Variants in EPB41 observed in about 807,000 individuals in gnomAD.
The protein encoded by EPB41 is protein 4.1.
Under a neutral mutation model 108.0 loss-of-function variants are expected in EPB41, and 65 were observed. The ratio of observed to expected loss-of-function variants is 0.60; its 90% CI spans 0.49 to 0.74. The LOEUF (loss-of-function observed/expected upper bound fraction) is 0.74. Ranked by LOEUF, EPB41 falls within the 30% of genes least tolerant of loss-of-function variation. EPB41 has a pLI of 0.00. For synonymous variants in EPB41, 336 were observed against 358.9 expected (o/e 0.94, Z 0.72); for missense variants, 875 against 1,037.0 (o/e 0.84, Z 2.15).
At chr1:29,069,502 T>C (rs1292838018) in intron 16 of EPB41, 1 of 1,148,582 alleles carries the variant, frequency 8.7e-7, no homozygotes, top group Non-Finnish European at 1.1e-6. Flanking sequence ...ATACTTTTTG[T>C]TTTTCTTTTG....
At chr1:28,910,999 C>T (rs748477417), upstream of EPB41, 33 of 985,202 alleles carry the variant, frequency 3.3e-5, no homozygotes, top group Middle Eastern at 1.0e-3. Flanking sequence ...GCCTCAGAGA[C>T]GGTGCTTGGG....
At chr1:28,982,115 A>G (rs113591083) in intron 1 of EPB41, among the ~76,000 whole-genome samples, 75 of 151,930 alleles carry the variant, frequency 4.9e-4, no homozygotes, top group African/African-American at 1.5e-3. Flanking sequence ...TCGTTGTTCA[A>G]TTCCCACCTA....
chr1:28,992,153 C>T (rs1044622406), intron 2 of EPB41, among the ~76,000 whole-genome samples: 2 of 152,126 alleles, frequency 1.3e-5, no homozygotes, highest in Non-Finnish European at 2.9e-5. Flanking sequence ...GAAGAGACTT[C>T]CTGAGGTTGC....
At chr1:29,068,686 G>A (rs752013360) in intron 16 of EPB41, 37 of 1,153,470 alleles carry the variant, frequency 3.2e-5, no homozygotes, top group South Asian at 4.4e-5. Flanking sequence ...CGGTATTGTT[G>A]TTGCATTGCA....
chr1:29,010,002 T>G (rs2096472173), intron 4 of EPB41, among the ~76,000 whole-genome samples: 1 of 152,142 alleles, frequency 6.6e-6, no homozygotes, highest in South Asian at 2.1e-4. Flanking sequence ...TCTGCCCTTG[T>G]TGGTAGAGGG....
intron 11 of EPB41, among the ~76,000 whole-genome samples, chr1:29,045,836 C>T (rs866959530): frequency 1.2e-3 from 173 of 145,354 alleles, no homozygotes; most frequent in Middle Eastern, 0.011. Flanking sequence ...ATTAGCTGAG[C>T]ATGGTAGTGC....
At chr1:28,924,964 C>CTT (rs879448208) in intron 1 of EPB41, among the ~76,000 whole-genome samples, 8 of 128,330 alleles carry the variant, frequency 6.2e-5, no homozygotes, top group South Asian at 2.5e-4. Flanking sequence ...GCCTGGCTAA[C>CTT]TTTTTTTTTT....
chr1:28,902,016 C>T (rs1255150794), intron 1 of EPB41, among the ~76,000 whole-genome samples: 2 of 152,136 alleles, frequency 1.3e-5, no homozygotes, highest in Non-Finnish European at 2.9e-5. Flanking sequence ...TATTATTCAG[C>T]GTTATATCCC....
At chr1:28,946,051 A>C (rs1280270936) in intron 1 of EPB41, among the ~76,000 whole-genome samples, 1 of 152,216 alleles carries the variant, frequency 6.6e-6, no homozygotes, top group Non-Finnish European at 1.5e-5. Flanking sequence ...CTGTGAATGA[A>C]TGAATATAAG....
intron 16 of EPB41, among the ~76,000 whole-genome samples, chr1:29,073,592 A>G (rs1031380763): frequency 6.6e-6 from 1 of 152,214 alleles, no homozygotes; most frequent in Non-Finnish European, 1.5e-5. Context: ...CACTTTACTA[A>G]TTTTCCAAAT....
rs977893195 is a variant in EPB41, at chr1:29,030,388, A to C, written c.1125-12A>C. 2 of 1,610,504 alleles carry C rather than the reference A, an allele frequency of 1.2e-6. No individual in the cohort carries two copies. Among genetic ancestry groups the C allele is most frequent in the Non-Finnish European group, 8.5e-7 (1 of 1,176,714 alleles). On this transcript the variant is annotated splice_polypyrimidine_tract_variant and intron_variant, in intron 7 of 20. Transcript: ENST00000343067. Reference sequence around the variant, plus strand: ...AACACTGAAAGAATTTTATGTTTTTATTCTATCAAAGGTCCATGACTCCAG... The same window carrying C: ...AACACTGAAAGAATTTTATGTTTTTCTTCTATCAAAGGTCCATGACTCCAG...
intron 16 of EPB41, among the ~76,000 whole-genome samples, chr1:29,080,588 C>T (rs1656182339): frequency 6.6e-6 from 1 of 151,816 alleles, no homozygotes; most frequent in Non-Finnish European, 1.5e-5. Context: ...AGGGTTTTAC[C>T]ATGTTGCCCA....
chr1:28,901,136 A>G (rs157230), intron 1 of EPB41, among the ~76,000 whole-genome samples: 48,658 of 151,416 alleles, frequency 0.32, 8,026 homozygotes, highest in Middle Eastern at 0.35. Flanking sequence ...TCACTGTGTT[A>G]GCCAGGATAG....
chr1:29,033,114 A>T lies in EPB41; in HGVS notation c.1234A>T (p.Ile412Phe). The T allele has an allele frequency of 1.2e-6, 2 of 1,614,002 alleles. No homozygotes were observed. Among genetic ancestry groups the T allele is most frequent in the Non-Finnish European group, 1.7e-6 (2 of 1,179,936 alleles). The change falls in exon 9 of 21, where the codon ATC becomes TTC. Residue 412 changes from isoleucine (I) to phenylalanine (F), a missense_variant. By Grantham distance (21) the Ile-to-Phe change is conservative. This residue lies in a region of EPB41 where 519 missense variants were observed against 627.3 expected (regional missense o/e 0.83). Coordinates refer to ENST00000343067, the MANE Select transcript of EPB41 (RefSeq NM_001376013.1). Reference sequence around the variant, plus strand: ...TCAGGACTTGGAAGGAGTAGATATCATCCTAGGTGTCTGCTCTAGTGGCCT... The same window carrying T: ...TCAGGACTTGGAAGGAGTAGATATCTTCCTAGGTGTCTGCTCTAGTGGCCT... ...KAKDLEGVDI[I>F]LGVCSSGLLV...
At position 29,068,773 on chromosome 1, in the gene EPB41, G is replaced by A. The variant is rs768200707; in HGVS notation, c.2184+3615G>A. Reference sequence around the variant, plus strand: ...GTCCTACCCTCGGAAAGAAAGGTTGGTGGGCCAGAGGTAAAGCTGCTGTTA... The same window carrying A: ...GTCCTACCCTCGGAAAGAAAGGTTGATGGGCCAGAGGTAAAGCTGCTGTTA... On this transcript the variant is annotated intron_variant, in intron 16 of 20. Transcript: ENST00000343067. 1.0e-4 allele frequency: 123 copies of A among 1,232,076 alleles called. 1 individual carries two copies. Among genetic ancestry groups the A allele is most frequent in the Non-Finnish European group, 1.2e-4 (117 of 987,982 alleles). The allele number at this position is 1,232,076 out of a possible 1,614,324, so 76.3% of individuals were successfully genotyped here.
intron 5 of EPB41, among the ~76,000 whole-genome samples, chr1:29,014,870 G>A (rs988204754): frequency 2.6e-5 from 4 of 152,084 alleles, no homozygotes; most frequent in African/African-American, 4.8e-5. Context: ...TTTAGGCCAG[G>A]CACGATGGCT....
rs147784736 is a variant in EPB41, at chr1:28,908,129, C to T, written c.-8+20919C>T. ...TAAATCTAGTTGTTATGGCTGGGCA[C>T]GGTGGCTCACGCCTGTAATCCTAGC... On this transcript the variant is annotated intron_variant, in intron 1 of 16. Coordinates refer to the EPB41 transcript ENST00000347529. 3.3e-3 allele frequency among the ~76,000 whole-genome samples: 494 copies of T among 150,286 alleles called. 6 individuals are homozygous for T. The highest frequency in any genetic ancestry group is 0.011 in the African/African-American group (465 of 41,056).
In EPB41 at chr1:29,018,585, T is replaced by A; in HGVS notation, c.1124+143T>A. ...CCTCCACTGTTTGACTTTGGGCAGGTTACTTAACCTCTCTTAATCTAAGCT... is the reference window on the plus strand; with the variant it reads ...CCTCCACTGTTTGACTTTGGGCAGGATACTTAACCTCTCTTAATCTAAGCT... On this transcript the variant is annotated intron_variant, in intron 7 of 20. Coordinates refer to ENST00000343067, the MANE Select transcript of EPB41 (RefSeq NM_001376013.1). This position sits in a 1 kb window ranked among gnomAD's most constrained non-coding sequence, Gnocchi z 4.4. 1 of 836,872 alleles carries A rather than the reference T, an allele frequency of 1.2e-6. No homozygotes were observed. The highest frequency in any genetic ancestry group is 1.4e-5 in the South Asian group (1 of 70,060). 51.8% of individuals were successfully genotyped at this position (836,872 alleles called of 1,614,324 possible). A position where few individuals can be genotyped will look rare whatever the true frequency, so the allele number is the denominator to read the frequency against.
At chr1:29,074,609 T>A (rs1434269877) in intron 16 of EPB41, among the ~76,000 whole-genome samples, 2 of 152,150 alleles carry the variant, frequency 1.3e-5, no homozygotes, top group African/African-American at 4.8e-5. Flanking sequence ...TAAGAAGGTA[T>A]GGGATTAGAG....
Sources: gnomAD v4.1 joint callset for allele counts (sites outside exome capture counted in the v4.1 genomes callset) on GRCh38, gnomAD v4.1.1 for gene constraint, gnomAD v4.1.1 regional missense constraint, Gnocchi (gnomAD v3.1) non-coding constraint, MANE v1.5 for transcripts, NCBI Gene and HGNC (gene_info 2026-07-23, HGNC 2026-07-21) for gene names.